TOPAZ1: variants seen among roughly 807,000 people sequenced by gnomAD.
The protein encoded by TOPAZ1 is testis and ovary specific TOPAZ 1.
TOPAZ1 carries 66 observed loss-of-function variants against 172.2 expected under a neutral mutation model. That is an observed-to-expected ratio of 0.38 (90% CI 0.31 to 0.47). The LOEUF (loss-of-function observed/expected upper bound fraction) is 0.47. TOPAZ1 is among the 20% of genes least tolerant of loss of function. The pLI, the probability that TOPAZ1 is intolerant of heterozygous loss-of-function variation, is 0.99. For synonymous variants in TOPAZ1, 681 were observed against 683.9 expected, an observed-to-expected ratio of 1.00 and a Z score of 0.07; for missense variants, 1,822 against 1,972.4, an observed-to-expected ratio of 0.92 and a Z score of 1.44.
At chr3:44,277,875 T>A (rs1421038861) in intron 8 of TOPAZ1, among the ~76,000 whole-genome samples, 1 of 152,164 alleles carries the variant, frequency 6.6e-6, no homozygotes, top group Admixed American at 6.5e-5. Context: ...ATTGTAAACT[T>A]CCTCAGGCCT....
At chr3:44,331,695 T>A in intron 19 of TOPAZ1, 97 bp from the exon 20 acceptor site, 1 of 961,356 alleles carries the variant, frequency 1.0e-6, no homozygotes, top group South Asian at 1.6e-5. Flanking sequence ...GAGAAGACTA[T>A]CATAGCTTAG....
chr3:44,286,237 C>T (rs768744142), intron 9 of TOPAZ1, among the ~76,000 whole-genome samples: 9 of 152,060 alleles, frequency 5.9e-5, no homozygotes, highest in Non-Finnish European at 1.0e-4. Context: ...AACTTAATGA[C>T]AAAAAGGAGA....
At chr3:44,264,291 G>T (rs1405970789) in intron 5 of TOPAZ1, among the ~76,000 whole-genome samples, 1 of 152,154 alleles carries the variant, frequency 6.6e-6, no homozygotes, top group Non-Finnish European at 1.5e-5. Flanking sequence ...GGTATTGCAG[G>T]TTTGAGTTCA....
At chr3:44,249,544 C>G (rs1203287461) in intron 2 of TOPAZ1, among the ~76,000 whole-genome samples, 3 of 152,064 alleles carry the variant, frequency 2.0e-5, no homozygotes. Context: ...TTATGCATTC[C>G]CATAGCACCT....
intron 12 of TOPAZ1, among the ~76,000 whole-genome samples, chr3:44,292,697 G>C (rs1252566933): frequency 6.6e-6 from 1 of 152,152 alleles, no homozygotes; most frequent in Non-Finnish European, 1.5e-5. Context: ...CAGAGTACAT[G>C]AGTTTTAACG....
intron 12 of TOPAZ1, among the ~76,000 whole-genome samples, chr3:44,300,207 C>T (rs1700254925): frequency 6.6e-6 from 1 of 152,010 alleles, no homozygotes; most frequent in Admixed American, 6.5e-5. Context: ...CCGAGGTGGG[C>T]AGATCACTTG....
intron 16 of TOPAZ1, among the ~76,000 whole-genome samples, chr3:44,318,282 T>C (rs567784335): frequency 4.7e-4 from 71 of 152,204 alleles, no homozygotes; most frequent in African/African-American, 1.7e-3. Flanking sequence ...TGAAACCCTG[T>C]CTCTACTAAA....
At chr3:44,251,945 A>G (rs887354030) in intron 2 of TOPAZ1, among the ~76,000 whole-genome samples, 1 of 152,002 alleles carries the variant, frequency 6.6e-6, no homozygotes, top group Admixed American at 6.6e-5. Context: ...ATAAGTTACA[A>G]TTTTTCTCAC....
intron 9 of TOPAZ1, among the ~76,000 whole-genome samples, chr3:44,283,002 T>C (rs1026141537): frequency 2.6e-5 from 4 of 152,128 alleles, no homozygotes; most frequent in African/African-American, 9.7e-5. Flanking sequence ...TAGATATGGA[T>C]GAACTTTTAA....
chr3:44,254,977 T>C lies in TOPAZ1; in HGVS notation c.2775T>C (p.Pro925=), dbSNP rs1400473070. 5.8e-6 allele frequency: 9 copies of C among 1,550,682 alleles called. No homozygotes were observed. The highest frequency in any genetic ancestry group is 2.4e-5 in the South Asian group (2 of 83,928). The change falls in exon 3 of 20, where the codon CCT becomes CCC. Residue 925 remains proline, a synonymous_variant. Coordinates refer to ENST00000309765, the MANE Select transcript of TOPAZ1 (RefSeq NM_001145030.2). ...KEPSDDLREL[P]VLDCGWIKPD... The stretch of plus-strand genomic sequence containing the variant: ...GTTTGCTTTATAATAGAGAACTTCC[T>C]GTACTGGACTGTGGATGGATAAAGC...
intron 16 of TOPAZ1, among the ~76,000 whole-genome samples, chr3:44,318,833 A>G (rs1197113237): frequency 1.4e-5 from 2 of 147,774 alleles, no homozygotes; most frequent in Non-Finnish European, 3.0e-5. Flanking sequence ...TATTTTATAT[A>G]ATTATATTAA....
intron 4 of TOPAZ1, among the ~76,000 whole-genome samples, chr3:44,257,469 AGTGTG>A (rs1481855873): frequency 7.0e-5 from 8 of 113,824 alleles, no homozygotes; most frequent in African/African-American, 1.8e-4. Flanking sequence ...ATATATATAT[AGTGTG>A]TGTGTGTGTG....
chr3:44,260,045 T>C (rs1234736549), intron 4 of TOPAZ1, among the ~76,000 whole-genome samples: 1 of 152,186 alleles, frequency 6.6e-6, no homozygotes, highest in Non-Finnish European at 1.5e-5. Context: ...GATGGTTTTA[T>C]TAGCGTTTGG....
intron 5 of TOPAZ1, among the ~76,000 whole-genome samples, chr3:44,263,030 GCAT>G (rs940986324): frequency 1.3e-5 from 2 of 152,166 alleles, no homozygotes; most frequent in Non-Finnish European, 2.9e-5. Context: ...CCTTGGAGAA[GCAT>G]CATCATGTAG....
chr3:44,329,636 C>A (rs757911857), intron 19 of TOPAZ1, among the ~76,000 whole-genome samples: 1 of 152,192 alleles, frequency 6.6e-6, no homozygotes, highest in Non-Finnish European at 1.5e-5. Context: ...ACTCCTGTGT[C>A]GGAGACAGAG....
chr3:44,275,772 C>A (rs957057063), intron 8 of TOPAZ1, among the ~76,000 whole-genome samples: 4 of 152,018 alleles, frequency 2.6e-5, no homozygotes, highest in African/African-American at 9.7e-5. Flanking sequence ...TAAGAAATCT[C>A]CATACTGTTT....
chr3:44,296,661 A>T (rs1249164758), intron 12 of TOPAZ1, among the ~76,000 whole-genome samples: 1 of 152,096 alleles, frequency 6.6e-6, no homozygotes, highest in Non-Finnish European at 1.5e-5. Flanking sequence ...AATTTAATCC[A>T]TCATTTAAAA....
Position 44,309,809 on chromosome 3 carries a change from T to C in TOPAZ1, c.4141-16T>C, listed in dbSNP as rs914475887. ...AATGATTGATACCCAATTAGTGTTCTTTATTTTTATTCTAGGGAAGGAAGG... is the reference window on the plus strand; with the variant it reads ...AATGATTGATACCCAATTAGTGTTCCTTATTTTTATTCTAGGGAAGGAAGG... On this transcript the variant is annotated splice_polypyrimidine_tract_variant and intron_variant, in intron 15 of 19. Transcript: ENST00000309765. 2 of 1,463,518 alleles carry C rather than the reference T, an allele frequency of 1.4e-6. No individual in the cohort carries two copies. Among genetic ancestry groups the C allele is most frequent in the Non-Finnish European group, 1.8e-6 (2 of 1,089,912 alleles). 90.7% of individuals were successfully genotyped at this position (1,463,518 alleles called of 1,614,324 possible). A position where few individuals can be genotyped will look rare whatever the true frequency, so the allele number is the denominator to read the frequency against.
chr3:44,298,909 A>ATATTTTT (rs1287571186), intron 12 of TOPAZ1, among the ~76,000 whole-genome samples: 3 of 41,310 alleles, frequency 7.3e-5, no homozygotes, highest in Admixed American at 5.0e-4. Context: ...ATATATATAT[A>ATATTTTT]TTTTTTTTTT....
Sources: allele counts gnomAD v4.1 joint callset (sites outside exome capture counted in the v4.1 genomes callset), GRCh38; gene constraint gnomAD v4.1.1; transcripts MANE v1.5; gene names NCBI Gene and HGNC (gene_info 2026-07-23, HGNC 2026-07-21).